The following DDX6 variants were observed in gnomAD, a reference collection of about 807,000 sequenced individuals.
The protein encoded by DDX6 is probable ATP-dependent RNA helicase DDX6.
DDX6 carries 7 observed loss-of-function variants against 60.6 expected under a neutral mutation model. The observed-to-expected ratio is 0.12, with a 90% confidence interval of 0.07 to 0.22. The LOEUF is 0.22. DDX6 is among the 10% of genes least tolerant of loss of function. The pLI is 1.00. For missense variants in DDX6, 270 were observed against 589.9 expected (o/e 0.46, Z 5.62); for synonymous variants, 207 against 201.0 (o/e 1.03, Z -0.25).
intron 4 of DDX6, among the ~76,000 whole-genome samples, chr11:118,770,590 T>C (rs1861504106): frequency 6.6e-6 from 1 of 151,986 alleles, no homozygotes; most frequent in Non-Finnish European, 1.5e-5. Flanking sequence ...CCAGAACAAC[T>C]GTGAAAATAT....
intron 2 of DDX6, among the ~76,000 whole-genome samples, chr11:118,785,024 TC>T (rs1862029032): frequency 6.6e-6 from 1 of 152,210 alleles, no homozygotes; most frequent in Non-Finnish European, 1.5e-5. Flanking sequence ...CACCTTGGCC[TC>T]CCAATGTGCT....
intron 4 of DDX6, among the ~76,000 whole-genome samples, chr11:118,779,271 C>A (rs1041271446): frequency 6.6e-6 from 1 of 150,930 alleles, no homozygotes. Flanking sequence ...CTAAAAAAGA[C>A]ATAATTACAA....
At chr11:118,780,730 G>A (rs1161730881) in intron 3 of DDX6, among the ~76,000 whole-genome samples, 3 of 152,142 alleles carry the variant, frequency 2.0e-5, no homozygotes, top group African/African-American at 4.8e-5. Context: ...TACCACTCAT[G>A]AGCTACAAAT....
At chr11:118,771,658 ACTATGTG>A (rs1445881392) in intron 4 of DDX6, among the ~76,000 whole-genome samples, 1 of 152,260 alleles carries the variant, frequency 6.6e-6, no homozygotes, top group Non-Finnish European at 1.5e-5. Flanking sequence ...TTTAAAACTT[ACTATGTG>A]CTCAGCACAA....
chr11:118,768,217 A>G lies in DDX6; in HGVS notation c.499+6T>C, dbSNP rs1485487717. The G allele has an allele frequency of 6.2e-7, 1 of 1,612,440 alleles. No individual in the cohort carries two copies. Among genetic ancestry groups the G allele is most frequent in the Non-Finnish European group, 8.5e-7 (1 of 1,179,180 alleles). On this transcript the variant is annotated splice_donor_region_variant and intron_variant, in intron 5 of 13. Transcript: ENST00000534980. ...TAGTTTAAAAACAAACTTTTATTCA[A>G]CTAACCTTGTATATTGTCCTTCTTC...
intron 2 of DDX6, among the ~76,000 whole-genome samples, chr11:118,783,998 G>A (rs1591925275): frequency 6.7e-6 from 1 of 149,198 alleles, no homozygotes; most frequent in Non-Finnish European, 1.5e-5. Flanking sequence ...TGAGGCAGGA[G>A]GATCACTTGA....
chr11:118,765,165 A>G (rs1555161043), intron 6 of DDX6, 44 bp downstream of exon 6: 1 of 1,588,902 alleles, frequency 6.3e-7, no homozygotes, highest in Non-Finnish European at 8.6e-7. Context: ...ACTTGTGACT[A>G]AAATAACAGA....
intron 4 of DDX6, among the ~76,000 whole-genome samples, chr11:118,775,873 A>G (rs1555163523): frequency 1.3e-5 from 2 of 152,214 alleles, no homozygotes; most frequent in Non-Finnish European, 2.9e-5. Flanking sequence ...GTTCACATCT[A>G]TAATTCTAGC....
chr11:118,774,232 A>G (rs1861626402), intron 4 of DDX6, among the ~76,000 whole-genome samples: 1 of 152,192 alleles, frequency 6.6e-6, no homozygotes, highest in Admixed American at 6.5e-5. Flanking sequence ...AATAATGCTA[A>G]GCAGACAAAA....
At chr11:118,766,041 A>C (rs1861342647) in intron 5 of DDX6, among the ~76,000 whole-genome samples, 1 of 148,476 alleles carries the variant, frequency 6.7e-6, no homozygotes. Context: ...ACTGCACTCC[A>C]GTCCAGGCAA....
At chr11:118,759,009 T>C (rs1445652841) in intron 8 of DDX6, 107 bp from the exon 9 acceptor site, 7 of 1,426,366 alleles carry the variant, frequency 4.9e-6, no homozygotes, top group Non-Finnish European at 6.6e-6. Context: ...ACTCTTGCTG[T>C]AAGGGACGCA....
At chr11:118,766,538 T>C (rs1273962098) in intron 5 of DDX6, among the ~76,000 whole-genome samples, 1 of 152,202 alleles carries the variant, frequency 6.6e-6, no homozygotes, top group Non-Finnish European at 1.5e-5. Context: ...GAACCTATTA[T>C]AGTGTCCCAG....
In DDX6 at chr11:118,763,317, T is replaced by A; in HGVS notation, c.647-11A>T. 6.3e-7 allele frequency: 1 copy of A among 1,589,020 alleles called. No homozygotes were observed. The highest frequency in any genetic ancestry group is 1.1e-5 in the South Asian group (1 of 90,604). On this transcript the variant is annotated splice_polypyrimidine_tract_variant and intron_variant, in intron 6 of 13. Coordinates refer to ENST00000534980, the MANE Select transcript of DDX6 (RefSeq NM_004397.6). ...CAATCACCACGTGCACTATGCAAGATTTAGAAAACATACATTCTCATTAAT... is the reference window on the plus strand; with the variant it reads ...CAATCACCACGTGCACTATGCAAGAATTAGAAAACATACATTCTCATTAAT...
intron 7 of DDX6, 94 bp from the exon 8 acceptor site, chr11:118,760,138 A>C: frequency 8.7e-7 from 1 of 1,146,232 alleles, no homozygotes; most frequent in South Asian, 1.6e-5. Context: ...TCATCCAACA[A>C]AAGCATCCAT....
intron 12 of DDX6, among the ~76,000 whole-genome samples, chr11:118,755,103 T>C (rs1011173858): frequency 6.6e-6 from 1 of 152,148 alleles, no homozygotes; most frequent in Non-Finnish European, 1.5e-5. Context: ...CTTTCTCAAA[T>C]GACAAAATGG....
intron 4 of DDX6, among the ~76,000 whole-genome samples, chr11:118,776,302 T>C (rs1861697026): frequency 6.6e-6 from 1 of 152,204 alleles, no homozygotes; most frequent in South Asian, 2.1e-4. Context: ...AACAACCCTA[T>C]GGTATTATAC....
rs1329603772 is a variant in DDX6 at position 118,762,754 on chromosome 11, T to C, written c.741+458A>G. ...GGACCATCTGTACATGTACAAAACA[T>C]GGCTAGATCCCAGGACTACAGATTT... is the stretch of plus-strand genomic sequence containing the variant. On this transcript the variant is annotated intron_variant, in intron 7 of 13. Transcript: ENST00000534980. 1.1e-4 allele frequency among the ~76,000 whole-genome samples: 17 copies of C among 152,168 alleles called. 1 individual carries two copies. Among genetic ancestry groups the C allele is most frequent in the Non-Finnish European group, 2.9e-5 (2 of 68,024 alleles).
rs1860684539 is a variant in DDX6, at chr11:118,749,627, CTT to C, written c.*2476_*2477del. The C allele has an allele frequency of 6.6e-6, 1 of 152,632 alleles. No individual in the cohort carries two copies. Among genetic ancestry groups the C allele is most frequent in the African/African-American group, 2.4e-5 (1 of 41,440 alleles). The allele number at this position is 152,632 out of a possible 1,614,324, so 9.5% of individuals were successfully genotyped here. On this transcript the variant is annotated 3_prime_UTR_variant, in exon 14 of 14. Transcript: ENST00000534980. ...TCTAAAGTTGGTGAAGGAGACTGCA[CTT>C]TTTGTTTAGTCACCCACACGTTCTC...
At position 118,747,906 on chromosome 11, in the gene DDX6, C is replaced by T. The variant is rs1297616853; in HGVS notation, c.*4199G>A. ...CACATCCCAACAAAAACAGAGCCCC[C>T]CCCCCCCCCACTGGAACATCTGCCA... is the stretch of plus-strand genomic sequence containing the variant. On this transcript the variant is annotated 3_prime_UTR_variant, in exon 14 of 14. Coordinates refer to ENST00000534980, the MANE Select transcript of DDX6 (RefSeq NM_004397.6). 1 of 131,168 alleles carries T rather than the reference C, an allele frequency of 7.6e-6. No homozygotes were observed. The highest frequency in any genetic ancestry group is 1.6e-5 in the Non-Finnish European group (1 of 61,286). 8.1% of individuals were successfully genotyped at this position (131,168 alleles called of 1,614,324 possible). A position where few individuals can be genotyped will look rare whatever the true frequency, so the allele number is the denominator to read the frequency against.
Sources: allele counts gnomAD v4.1 joint callset (sites outside exome capture counted in the v4.1 genomes callset), GRCh38; gene constraint gnomAD v4.1.1; transcripts MANE v1.5; gene names NCBI Gene and HGNC (gene_info 2026-07-23, HGNC 2026-07-21).